Variants in CADM2 observed in about 807,000 individuals in gnomAD.
CADM2 encodes immunoglobulin superfamily member 4D.
Under a neutral mutation model 49.8 loss-of-function variants are expected in CADM2, and 12 were observed. The ratio of observed to expected loss-of-function variants is 0.24; its 90% CI spans 0.15 to 0.39. CADM2 has a LOEUF of 0.39. Among genes scored for constraint, CADM2 ranks in the 10% least tolerant of loss-of-function variants. The probability of loss-of-function intolerance (pLI) is 1.00; values close to 1 mark genes in which losing one functional copy is unlikely to be tolerated. For missense variants in CADM2, 378 were observed against 492.3 expected (o/e 0.77, Z 2.20); for synonymous variants, 214 against 175.4 (o/e 1.22, Z -1.74).
chr3:84,960,581 C>G (rs1435409792), intron 1 of CADM2: 1 of 151,950 alleles, frequency 6.6e-6, no homozygotes, highest in African/African-American at 2.4e-5. Flanking sequence ...CTCTCTCTGC[C>G]GCTTCTTTCC....
intron 7 of CADM2, among the ~76,000 whole-genome samples, chr3:85,940,350 C>A (rs7609709): frequency 0.7 from 105,568 of 151,400 alleles, 38,396 homozygotes; most frequent in African/African-American, 0.92. Context: ...AAAAAAATTA[C>A]AGCAAAACAG....
intron 1 of CADM2, among the ~76,000 whole-genome samples, chr3:85,616,477 A>G (rs1297758374): frequency 6.6e-6 from 1 of 152,092 alleles, no homozygotes; most frequent in African/African-American, 2.4e-5. Flanking sequence ...TTTTACTTTG[A>G]TGATTTAGAG....
At chr3:85,250,145 A>G (rs947595485) in intron 1 of CADM2, among the ~76,000 whole-genome samples, 1 of 151,742 alleles carries the variant, frequency 6.6e-6, no homozygotes, top group Non-Finnish European at 1.5e-5. Context: ...ATTAACATTT[A>G]GGAATGTTCT....
At chr3:85,985,815 T>C (rs945296071) in intron 8 of CADM2, among the ~76,000 whole-genome samples, 3 of 151,994 alleles carry the variant, frequency 2.0e-5, no homozygotes, top group African/African-American at 7.2e-5. Flanking sequence ...TTGAGCTATA[T>C]AAATTGAAAA....
intron 1 of CADM2, among the ~76,000 whole-genome samples, chr3:85,372,042 A>G (rs1007430959): frequency 8.6e-5 from 13 of 151,958 alleles, no homozygotes; most frequent in Non-Finnish European, 1.8e-4. Context: ...GAGGCATAGA[A>G]AAGTGCCTAG....
chr3:85,110,032 G>C (rs1344561350), intron 1 of CADM2, among the ~76,000 whole-genome samples: 1 of 151,824 alleles, frequency 6.6e-6, no homozygotes, highest in Non-Finnish European at 1.5e-5. Flanking sequence ...ATTACTATCT[G>C]GTTTAGGAGA....
chr3:85,939,717 T>G (rs1456823251), intron 7 of CADM2, among the ~76,000 whole-genome samples: 2 of 151,264 alleles, frequency 1.3e-5, no homozygotes, highest in African/African-American at 4.9e-5. Context: ...TTGATAAGTT[T>G]TTCTATGTAT....
chr3:85,300,457 G>A (rs1039386359), intron 1 of CADM2, among the ~76,000 whole-genome samples: 3 of 151,948 alleles, frequency 2.0e-5, no homozygotes, highest in Non-Finnish European at 2.9e-5. Context: ...AGACTTCTTA[G>A]CAGTTGCTAT....
intron 1 of CADM2, among the ~76,000 whole-genome samples, chr3:85,086,897 G>A (rs1399030153): frequency 6.6e-6 from 1 of 152,122 alleles, no homozygotes; most frequent in African/African-American, 2.4e-5. Context: ...GTAGCCATCT[G>A]CTTTCATAGC....
At chr3:85,733,937 T>C (rs1251617058) in intron 2 of CADM2, among the ~76,000 whole-genome samples, 1 of 152,050 alleles carries the variant, frequency 6.6e-6, no homozygotes, top group African/African-American at 2.4e-5. Context: ...ATTCCCAAGA[T>C]TTGTGGCTTC....
chr3:85,352,711 T>G (rs1330960425), intron 1 of CADM2, among the ~76,000 whole-genome samples: 1 of 152,142 alleles, frequency 6.6e-6, no homozygotes, highest in Non-Finnish European at 1.5e-5. Context: ...GCCTTTTTGA[T>G]ATTTATAATT....
chr3:85,924,247 A>G (rs1719530151), intron 6 of CADM2, among the ~76,000 whole-genome samples: 1 of 152,184 alleles, frequency 6.6e-6, no homozygotes, highest in African/African-American at 2.4e-5. Flanking sequence ...AAACATAGTT[A>G]GAACTGTTTC....
chr3:85,659,361 C>T (rs139615145), intron 1 of CADM2, among the ~76,000 whole-genome samples: 41 of 151,808 alleles, frequency 2.7e-4, no homozygotes, highest in African/African-American at 8.5e-4. Context: ...CTTGAAGATG[C>T]AGACTTTGTG....
At chr3:86,033,935 A>G (rs1296427346) in intron 8 of CADM2, among the ~76,000 whole-genome samples, 1 of 151,226 alleles carries the variant, frequency 6.6e-6, no homozygotes, top group Non-Finnish European at 1.5e-5. Flanking sequence ...TAAGCACAAA[A>G]TTTACCAGTC....
chr3:85,644,058 C>T (rs895513548), intron 1 of CADM2, among the ~76,000 whole-genome samples: 3 of 152,134 alleles, frequency 2.0e-5, no homozygotes, highest in African/African-American at 4.8e-5. Context: ...ATGCATTACT[C>T]TGCTATGGTT....
intron 8 of CADM2, among the ~76,000 whole-genome samples, chr3:86,031,721 T>C (rs1027956580): frequency 6.6e-6 from 1 of 151,794 alleles, no homozygotes; most frequent in Non-Finnish European, 1.5e-5. Flanking sequence ...GGGAATTACA[T>C]GAAGAAACTA....
chr3:85,438,502 C>T (rs1382814813), intron 1 of CADM2, among the ~76,000 whole-genome samples: 1 of 152,026 alleles, frequency 6.6e-6, no homozygotes, highest in Non-Finnish European at 1.5e-5. Context: ...CACTCCTGTA[C>T]AATTTCTAAG....
At chr3:85,678,796 T>C (rs1198018606) in intron 1 of CADM2, among the ~76,000 whole-genome samples, 1 of 152,208 alleles carries the variant, frequency 6.6e-6, no homozygotes, top group Non-Finnish European at 1.5e-5. Context: ...TGCTGGTCAA[T>C]AGTGCAGGGT....
chr3:85,648,328 C>T (rs1324721563), intron 1 of CADM2, among the ~76,000 whole-genome samples: 1 of 151,724 alleles, frequency 6.6e-6, no homozygotes, highest in Non-Finnish European at 1.5e-5. Context: ...TTTAATTGTC[C>T]TCTTGTCTTT....
Sources: gnomAD v4.1 joint callset for allele counts (sites outside exome capture counted in the v4.1 genomes callset) on GRCh38, gnomAD v4.1.1 for gene constraint, MANE v1.5 for transcripts, NCBI Gene and HGNC (gene_info 2026-07-23, HGNC 2026-07-21) for gene names.